MTRF1: variants seen among roughly 807,000 people sequenced by gnomAD.
MTRF1 encodes peptide chain release factor 1, mitochondrial.
In MTRF1, 51 loss-of-function variants were observed where a neutral mutation model predicts 62.9. The observed-to-expected ratio is 0.81, with a 90% CI of 0.65 to 1.02. The LOEUF (loss-of-function observed/expected upper bound fraction) is 1.02, where lower values mean the gene tolerates loss of function less well. Among genes scored for constraint, MTRF1 ranks in the 50% least tolerant of loss-of-function variants. MTRF1 has a pLI of 0.00. For missense variants in MTRF1, 446 were observed against 530.0 expected, an observed-to-expected ratio of 0.84 and a Z score of 1.56; for synonymous variants, 158 against 181.9, an observed-to-expected ratio of 0.87 and a Z score of 1.06.
the MTRF1 span, among the ~76,000 whole-genome samples, chr13:41,268,854 T>TA: frequency 2.0e-5 from 3 of 152,124 alleles, no homozygotes; most frequent in Non-Finnish European, 2.9e-5. Context: ...TTTCTTTTTT[T>TA]ACATCAAGCC....
chr13:41,258,818 G>A (rs187931719), intron 2 of MTRF1, among the ~76,000 whole-genome samples: 166 of 152,132 alleles, frequency 1.1e-3, no homozygotes, highest in African/African-American at 3.6e-3. Flanking sequence ...TCAAAAGACA[G>A]TATCAAAAAA....
At chr13:41,253,118 T>C in intron 3 of MTRF1, 88 bp from the exon 4 acceptor site, 1 of 1,014,608 alleles carries the variant, frequency 9.9e-7, no homozygotes, top group Non-Finnish European at 1.5e-6. Context: ...TTGAAAAAAA[T>C]CAATAATTGG....
intron 6 of MTRF1, among the ~76,000 whole-genome samples, chr13:41,237,527 C>T (rs1375341551): frequency 6.6e-6 from 1 of 151,958 alleles, no homozygotes; most frequent in Admixed American, 6.6e-5. Flanking sequence ...AACAGAGTCT[C>T]ACTCTGTCGC....
chr13:41,301,026 A>G, the MTRF1 span, among the ~76,000 whole-genome samples: 1 of 152,148 alleles, frequency 6.6e-6, no homozygotes, highest in South Asian at 2.1e-4. Context: ...TATTTTTCTC[A>G]TAGGGTTTTC....
At chr13:41,257,448 G>A (rs1191743524) in intron 2 of MTRF1, among the ~76,000 whole-genome samples, 1 of 152,186 alleles carries the variant, frequency 6.6e-6, no homozygotes, top group East Asian at 1.9e-4. Context: ...GCTGGACTTT[G>A]AATCATCCAT....
At chr13:41,243,168 A>G (rs9562283) in intron 5 of MTRF1, among the ~76,000 whole-genome samples, 96,188 of 151,974 alleles carry the variant, frequency 0.63, 30,701 homozygotes, top group Admixed American at 0.65. Flanking sequence ...GCAGTGAGCC[A>G]AGATCGTGCC....
intron 6 of MTRF1, among the ~76,000 whole-genome samples, chr13:41,234,596 T>C (rs1426536942): frequency 1.3e-5 from 2 of 152,164 alleles, no homozygotes; most frequent in Non-Finnish European, 2.9e-5. Context: ...CCCAAAAATA[T>C]ATAAAATACA....
intron 1 of MTRF1, chr13:41,261,835 GA>G: frequency 1.0e-6 from 1 of 980,250 alleles, no homozygotes; most frequent in Non-Finnish European, 1.2e-6. Context: ...CCTAAAGGAA[GA>G]AAAGTTCAAG....
the MTRF1 span, among the ~76,000 whole-genome samples, chr13:41,297,474 C>T: frequency 5.1e-4 from 77 of 152,300 alleles, 1 homozygote; most frequent in African/African-American, 1.8e-3. Context: ...TAGATTTTGC[C>T]AGTAACTTGC....
chr13:41,266,159 T>A (rs1044903760), upstream of MTRF1, among the ~76,000 whole-genome samples: 3 of 152,038 alleles, frequency 2.0e-5, no homozygotes, highest in Admixed American at 1.3e-4. Context: ...TATTTTTTTT[T>A]AAATAGAGAT....
At chr13:41,306,608 C>T in the MTRF1 span, among the ~76,000 whole-genome samples, 1,355 of 152,290 alleles carry the variant, frequency 8.9e-3, 9 homozygotes, top group Middle Eastern at 0.024. Context: ...AATCCTTTTC[C>T]AGATTCTTCT....
the MTRF1 span, among the ~76,000 whole-genome samples, chr13:41,300,571 G>GC: frequency 6.9e-6 from 1 of 145,704 alleles, no homozygotes; most frequent in South Asian, 2.2e-4. Flanking sequence ...GGGCGACACA[G>GC]CAAGACTCCG....
the MTRF1 span, among the ~76,000 whole-genome samples, chr13:41,279,827 C>G: frequency 6.6e-6 from 1 of 152,172 alleles, no homozygotes; most frequent in African/African-American, 2.4e-5. Context: ...ATATAATCAA[C>G]TAAGAGGCAC....
At chr13:41,223,132 T>G (rs2033746788) in intron 9 of MTRF1, 124 bp downstream of exon 9, 1 of 599,292 alleles carries the variant, frequency 1.7e-6, no homozygotes, top group South Asian at 3.6e-5. Context: ...TTAGGGTGGC[T>G]TAATGATTTA....
chr13:41,279,906 C>A, the MTRF1 span, among the ~76,000 whole-genome samples: 15 of 152,188 alleles, frequency 9.9e-5, no homozygotes, highest in African/African-American at 2.6e-4. Flanking sequence ...TGAGAGATTT[C>A]TCTGCAAAGT....
chr13:41,223,469 A>C (rs1593575806), intron 8 of MTRF1, 115 bp from the exon 9 acceptor site: 1 of 746,350 alleles, frequency 1.3e-6, no homozygotes, highest in East Asian at 2.6e-5. Context: ...TAAAAGACAT[A>C]TATACAAAAT....
chr13:41,230,737 T>TC, intron 7 of MTRF1, among the ~76,000 whole-genome samples: 1 of 151,796 alleles, frequency 6.6e-6, no homozygotes, highest in East Asian at 1.9e-4. Flanking sequence ...TTTTTTTTTT[T>TC]TTGAGACTGA....
chr13:41,293,683 A>C, the MTRF1 span, among the ~76,000 whole-genome samples: 5 of 152,216 alleles, frequency 3.3e-5, no homozygotes, highest in Non-Finnish European at 7.4e-5. Context: ...TGATACCATG[A>C]CTAACTTTGT....
chr13:41,269,198 G>T, the MTRF1 span, among the ~76,000 whole-genome samples: 1,420 of 49,594 alleles, frequency 0.029, 1 homozygote, highest in Middle Eastern at 0.043. Flanking sequence ...TTTTTTTTTT[G>T]GTTTTTTTTT....
Sources: allele counts gnomAD v4.1 joint callset (sites outside exome capture counted in the v4.1 genomes callset), GRCh38; gene constraint gnomAD v4.1.1; transcripts MANE v1.5; gene names NCBI Gene and HGNC (gene_info 2026-07-23, HGNC 2026-07-21).